NELL1: variants seen among roughly 807,000 people sequenced by gnomAD.
NELL1 encodes the protein neural EGFL like 1, also known as protein kinase C-binding protein NELL1.
In NELL1, 76 loss-of-function variants were observed where a neutral mutation model predicts 107.4. That is an observed-to-expected ratio of 0.71 (90% CI 0.59 to 0.86). The LOEUF (loss-of-function observed/expected upper bound fraction) is 0.86. NELL1 is among the 40% of genes least tolerant of loss of function. The pLI is 0.00. For synonymous variants in NELL1, 353 were observed against 341.2 expected, an observed-to-expected ratio of 1.03 and a Z score of -0.38; for missense variants, 1,024 against 1,005.5, an observed-to-expected ratio of 1.02 and a Z score of -0.25.
chr11:21,198,613 C>T (rs1420110227), intron 13 of NELL1, among the ~76,000 whole-genome samples: 2 of 152,298 alleles, frequency 1.3e-5, no homozygotes, highest in East Asian at 3.9e-4. Flanking sequence ...ATAGTGTACA[C>T]ATTTTGTTTA....
chr11:21,519,207 A>T (rs1447331578), intron 15 of NELL1, among the ~76,000 whole-genome samples: 3 of 152,222 alleles, frequency 2.0e-5, no homozygotes, highest in African/African-American at 7.2e-5. Context: ...ATTAGCAAGA[A>T]CTTGGTCACA....
chr11:20,889,538 A>G (rs1428272843), intron 5 of NELL1, among the ~76,000 whole-genome samples: 2 of 152,208 alleles, frequency 1.3e-5, no homozygotes, highest in African/African-American at 4.8e-5. Flanking sequence ...GCATGTTGAC[A>G]GTATGCACAA....
chr11:20,690,234 C>T (rs1428829911), intron 2 of NELL1, among the ~76,000 whole-genome samples: 1 of 151,862 alleles, frequency 6.6e-6, no homozygotes, highest in Non-Finnish European at 1.5e-5. Flanking sequence ...CTGTAGGTTG[C>T]CTGTTCACTC....
At chr11:21,536,497 C>T (rs1856141868) in intron 16 of NELL1, among the ~76,000 whole-genome samples, 1 of 152,134 alleles carries the variant, frequency 6.6e-6, no homozygotes, top group Admixed American at 6.6e-5. Context: ...TCTTTGATGC[C>T]TTCCAAAGAC....
intron 12 of NELL1, among the ~76,000 whole-genome samples, chr11:21,086,182 G>A (rs1471059425): frequency 6.6e-6 from 1 of 152,168 alleles, no homozygotes; most frequent in African/African-American, 2.4e-5. Flanking sequence ...GACCAGATCT[G>A]TTTTGTTCTC....
intron 5 of NELL1, among the ~76,000 whole-genome samples, chr11:20,890,588 C>A (rs547574608): frequency 3.4e-4 from 51 of 151,984 alleles, no homozygotes; most frequent in Admixed American, 9.8e-4. Flanking sequence ...TGTTCTAACC[C>A]AATGCAAGGA....
At chr11:21,333,015 G>A (rs1850306267) in intron 14 of NELL1, among the ~76,000 whole-genome samples, 3 of 152,002 alleles carry the variant, frequency 2.0e-5, no homozygotes, top group Admixed American at 2.0e-4. Context: ...GCATATCACA[G>A]GAAAGTGGTT....
intron 11 of NELL1, among the ~76,000 whole-genome samples, chr11:20,950,409 C>G (rs1437182730): frequency 6.6e-6 from 1 of 152,170 alleles, no homozygotes; most frequent in Non-Finnish European, 1.5e-5. Flanking sequence ...GAATTTTGCT[C>G]CACATCTCTT....
At chr11:20,882,740 AAATTTTCCC>A (rs1290370375) in intron 4 of NELL1, among the ~76,000 whole-genome samples, 43 of 152,322 alleles carry the variant, frequency 2.8e-4, no homozygotes, top group Non-Finnish European at 2.4e-4. Context: ...GATCTTATTC[AAATTTTCCC>A]AATTTTCCCA....
intron 3 of NELL1, among the ~76,000 whole-genome samples, chr11:20,809,997 C>G (rs543930743): frequency 6.6e-6 from 1 of 152,090 alleles, no homozygotes; most frequent in Admixed American, 6.6e-5. Context: ...GTGAGGATTC[C>G]TTTTTCTCCA....
intron 2 of NELL1, among the ~76,000 whole-genome samples, chr11:20,706,410 T>A (rs1854956492): frequency 6.6e-6 from 1 of 150,514 alleles, no homozygotes; most frequent in Non-Finnish European, 1.5e-5. Context: ...CAGCAAACTA[T>A]CACAAGGACA....
chr11:20,783,711 T>C lies in NELL1; in HGVS notation c.216T>C (p.His72=), dbSNP rs1250534696. ...DIEREIHAAP[H]VSEKLIQLFR... Reference sequence around the variant, plus strand: ...AAAGAGAGATCCATGCAGCTCCTCATGTGAGTGAGAAATTAATTCAGCTGT... The same window carrying C: ...AAAGAGAGATCCATGCAGCTCCTCACGTGAGTGAGAAATTAATTCAGCTGT... Residue 72 remains histidine (H), a synonymous_variant, in exon 3 of 20, where the codon CAT becomes CAC. Coordinates refer to ENST00000357134, the MANE Select transcript of NELL1 (RefSeq NM_006157.5). 5.0e-6 allele frequency: 8 copies of C among 1,613,892 alleles called. No individual in the cohort carries two copies. Among genetic ancestry groups the C allele is most frequent in the Non-Finnish European group, 6.8e-6 (8 of 1,179,946 alleles).
intron 14 of NELL1, among the ~76,000 whole-genome samples, chr11:21,274,929 T>C (rs1848821313): frequency 6.6e-6 from 1 of 152,172 alleles, no homozygotes; most frequent in South Asian, 2.1e-4. Flanking sequence ...TAGCACTAAA[T>C]GCCCACAAGA....
intron 7 of NELL1, among the ~76,000 whole-genome samples, chr11:20,925,336 A>C (rs1363284894): frequency 6.6e-6 from 1 of 151,878 alleles, no homozygotes; most frequent in Non-Finnish European, 1.5e-5. Context: ...GCTGGAGTGC[A>C]CTGGCATGAT....
intron 2 of NELL1, among the ~76,000 whole-genome samples, chr11:20,736,264 C>T (rs898215762): frequency 5.9e-5 from 9 of 152,014 alleles, no homozygotes; most frequent in East Asian, 1.9e-4. Flanking sequence ...CAAACACTCA[C>T]GGTGGGCAGG....
At chr11:20,862,736 A>T (rs1590358198) in intron 4 of NELL1, among the ~76,000 whole-genome samples, 1 of 150,610 alleles carries the variant, frequency 6.6e-6, no homozygotes, top group Non-Finnish European at 1.5e-5. Flanking sequence ...TGGCTTTCCT[A>T]GGCAGAGGAC....
intron 3 of NELL1, among the ~76,000 whole-genome samples, chr11:20,806,407 A>T (rs535235573): frequency 1.1e-4 from 17 of 152,068 alleles, no homozygotes; most frequent in African/African-American, 3.9e-4. Context: ...CTGCTGCCAG[A>T]TGTATTGGAG....
Position 20,800,835 on chromosome 11 carries a change from C to T in NELL1, c.335+17005C>T, listed in dbSNP as rs868069777. Reference sequence around the variant, plus strand: ...GGCTGATGATATTGAGAGTGATAGGCATCCTGTCTGGATTTGTTAATAAGC... The same window carrying T: ...GGCTGATGATATTGAGAGTGATAGGTATCCTGTCTGGATTTGTTAATAAGC... On this transcript the variant is annotated intron_variant, in intron 3 of 19. Coordinates refer to ENST00000357134, the MANE Select transcript of NELL1 (RefSeq NM_006157.5). Among the ~76,000 whole-genome samples, 19 of 152,266 alleles carry T rather than the reference C, an allele frequency of 1.2e-4. No homozygotes were observed. In the Middle Eastern group the frequency reaches 0.01, roughly 82 times the overall value.
chr11:21,132,880 G>A lies in NELL1; in HGVS notation c.1426+19166G>A, dbSNP rs556647388. 9.2e-5 allele frequency among the ~76,000 whole-genome samples: 14 copies of A among 152,250 alleles called. No individual in the cohort carries two copies. In the East Asian group the frequency reaches 1.4e-3, roughly 15 times the overall value. On this transcript the variant is annotated intron_variant, in intron 13 of 19. Coordinates refer to ENST00000357134, the MANE Select transcript of NELL1 (RefSeq NM_006157.5). The stretch of plus-strand genomic sequence containing the variant: ...TTGATGGGTCCCAATTTCTTGTCCC[G>A]CATCCAGGATGAATGAAGTATGCAG...
Sources: allele counts gnomAD v4.1 joint callset (sites outside exome capture counted in the v4.1 genomes callset), GRCh38; gene constraint gnomAD v4.1.1; transcripts MANE v1.5; gene names NCBI Gene and HGNC (gene_info 2026-07-23, HGNC 2026-07-21).